The following HKDC1 variants were observed in gnomAD, a reference collection of about 807,000 sequenced individuals.
The protein encoded by HKDC1 is hexokinase HKDC1.
HKDC1 carries 66 observed loss-of-function variants against 96.6 expected under a neutral mutation model. That is an observed-to-expected ratio of 0.68 (90% CI 0.56 to 0.84). HKDC1 has a LOEUF of 0.84. HKDC1 is among the 40% of genes least tolerant of loss of function. The pLI, the probability that HKDC1 is intolerant of heterozygous loss-of-function variation, is 0.00. For synonymous variants in HKDC1, 466 were observed against 473.1 expected (o/e 0.98, Z 0.20); for missense variants, 1,211 against 1,208.1 (o/e 1.00, Z -0.04).
rs1346811930 is a variant in HKDC1 at position 69,250,259 on chromosome 10, T to C, written c.1571-31T>C. The C allele has an allele frequency of 1.9e-6, 3 of 1,600,216 alleles. No individual in the cohort carries two copies. The South Asian group carries it at 3.4e-5, about 18-fold the overall frequency. ...AATGCCCCGACACAAGTCCCTGTCA[T>C]GGAATGCAGCTGCTGCTTTCTCCAT... On this transcript the variant is annotated intron_variant, in intron 10 of 17. Transcript: ENST00000354624.
chr10:69,246,016 T>C, intron 7 of HKDC1, 63 bp from the exon 8 acceptor site: 1 of 1,590,188 alleles, frequency 6.3e-7, no homozygotes, highest in Non-Finnish European at 8.6e-7. Context: ...GCTCCTGGTC[T>C]TCGGGAAATG....
chr10:69,222,146 C>T (rs572027559), intron 1 of HKDC1, among the ~76,000 whole-genome samples: 3 of 151,998 alleles, frequency 2.0e-5, no homozygotes, highest in East Asian at 1.9e-4. Flanking sequence ...CCCTTGAACC[C>T]GGGCAGCAGA....
intron 1 of HKDC1, among the ~76,000 whole-genome samples, chr10:69,224,315 G>T (rs996284526): frequency 1.3e-5 from 2 of 151,770 alleles, no homozygotes. Context: ...ATGGAATCTC[G>T]CTCTGTCACC....
chr10:69,232,969 G>A (rs754615244), intron 3 of HKDC1, 45 bp from the exon 4 acceptor site: 10 of 1,612,526 alleles, frequency 6.2e-6, no homozygotes, highest in Non-Finnish European at 6.8e-6. Flanking sequence ...CGTGTGTGGG[G>A]AAACCACACC....
chr10:69,257,215 T>A, intron 13 of HKDC1, 84 bp downstream of exon 13: 1 of 1,459,824 alleles, frequency 6.9e-7, no homozygotes, highest in Non-Finnish European at 9.6e-7. Context: ...CCAGTTCCTA[T>A]GACTCTGGCC....
rs1026789383 is a variant in HKDC1, at chr10:69,233,083, C to T, written c.445C>T (p.Pro149Ser). 1 of 1,614,138 alleles carries T rather than the reference C, an allele frequency of 6.2e-7. No homozygotes were observed. The highest frequency in any genetic ancestry group is 8.5e-7 in the Non-Finnish European group (1 of 1,180,036). Residue 149 changes from proline (P) to serine (S), a missense_variant, in exon 4 of 18, where the codon CCC (proline) becomes TCC (serine). Physicochemically the swap from Pro to Ser is moderately conservative, Grantham distance 74 (BLOSUM62 -1). Transcript: ENST00000354624. ...KTKDLKHKKL[P>S]LGLTFSFPCR... Reference sequence around the variant, plus strand: ...CAAAGATTTAAAGCATAAGAAATTGCCCCTTGGCCTAACTTTTTCTTTCCC... The same window carrying T: ...CAAAGATTTAAAGCATAAGAAATTGTCCCTTGGCCTAACTTTTTCTTTCCC...
chr10:69,238,368 C>CTTTTTTTTTTTTTTTTTTTTTTTTTT (rs55819248), intron 4 of HKDC1, among the ~76,000 whole-genome samples: 1 of 61,382 alleles, frequency 1.6e-5, no homozygotes, highest in Non-Finnish European at 3.0e-5. Context: ...CAGGTATTTT[C>CTTTTTTTTTTTTTTTTTTTTTTTTTT]TTTTTTTTTT....
chr10:69,264,375 ATCT>A (rs768585185), intron 16 of HKDC1, among the ~76,000 whole-genome samples: 24 of 148,260 alleles, frequency 1.6e-4, no homozygotes, highest in Admixed American at 7.4e-4. Flanking sequence ...ACGCAAACTC[ATCT>A]TTTTTTTTTT....
chr10:69,223,578 A>ATT (rs60016100), intron 1 of HKDC1, among the ~76,000 whole-genome samples: 3,497 of 85,604 alleles, frequency 0.041, 136 homozygotes, highest in African/African-American at 0.077. Flanking sequence ...CCACAATCTA[A>ATT]TTTTTTTTTT....
At chr10:69,227,513 G>A (rs1241529437) in intron 2 of HKDC1, 144 bp downstream of exon 2, 3 of 870,982 alleles carry the variant, frequency 3.4e-6, no homozygotes, top group Non-Finnish European at 3.4e-6. Context: ...CTCTGCTTCA[G>A]TCCTGCTGAA....
intron 12 of HKDC1, among the ~76,000 whole-genome samples, chr10:69,253,686 G>A (rs929077758): frequency 6.6e-6 from 1 of 152,256 alleles, no homozygotes; most frequent in Non-Finnish European, 1.5e-5. Flanking sequence ...CTTCACTTTC[G>A]AGGCAGCATA....
intron 5 of HKDC1, among the ~76,000 whole-genome samples, chr10:69,239,963 G>A (rs1843429603): frequency 6.6e-6 from 1 of 152,038 alleles, no homozygotes; most frequent in African/African-American, 2.4e-5. Flanking sequence ...GGGGATGTTG[G>A]TGCAATAACC....
intron 4 of HKDC1, among the ~76,000 whole-genome samples, chr10:69,234,989 G>C (rs554092026): frequency 6.6e-6 from 1 of 152,192 alleles, no homozygotes; most frequent in African/African-American, 2.4e-5. Context: ...GGGGCCTGGC[G>C]TGGTGGCTTT....
intron 12 of HKDC1, among the ~76,000 whole-genome samples, chr10:69,255,689 G>T (rs1303600862): frequency 6.6e-6 from 1 of 152,094 alleles, no homozygotes; most frequent in African/African-American, 2.4e-5. Context: ...GGCCGAGGAG[G>T]GTGGATCACT....
chr10:69,234,300 T>G (rs1843327170), intron 4 of HKDC1, among the ~76,000 whole-genome samples: 1 of 152,242 alleles, frequency 6.6e-6, no homozygotes. Context: ...TGAAAGGGAA[T>G]GAGCTTTCAT....
Position 69,266,907 on chromosome 10 carries a change from T to C in HKDC1, c.*150T>C. On this transcript the variant is annotated 3_prime_UTR_variant, in exon 18 of 18. Coordinates refer to ENST00000354624, the MANE Select transcript of HKDC1 (RefSeq NM_025130.4). Reference sequence around the variant, plus strand: ...ACCCCAGGTTCTCGGGTACTCTTAGTATCTTGTACTGGATTTGCAGTGACA... The same window carrying C: ...ACCCCAGGTTCTCGGGTACTCTTAGCATCTTGTACTGGATTTGCAGTGACA... The C allele has an allele frequency of 2.9e-6, 2 of 679,088 alleles. No homozygotes were observed. Among genetic ancestry groups the C allele is most frequent in the Non-Finnish European group, 4.9e-6 (2 of 410,030 alleles). The allele number at this position is 679,088 out of a possible 1,614,324, so 42.1% of individuals were successfully genotyped here.
chr10:69,266,213 G>C (rs893957357), intron 17 of HKDC1, among the ~76,000 whole-genome samples: 1 of 152,206 alleles, frequency 6.6e-6, no homozygotes, highest in Non-Finnish European at 1.5e-5. Flanking sequence ...CAGACGGGAG[G>C]ATCACTTGAG....
At chr10:69,222,028 C>G (rs1049107658) in intron 1 of HKDC1, among the ~76,000 whole-genome samples, 1 of 152,128 alleles carries the variant, frequency 6.6e-6, no homozygotes, top group South Asian at 2.1e-4. Context: ...TTGAGACCAC[C>G]CTGGCCAACA....
At chr10:69,222,200 C>A (rs1178899938) in intron 1 of HKDC1, among the ~76,000 whole-genome samples, 1 of 152,168 alleles carries the variant, frequency 6.6e-6, no homozygotes, top group East Asian at 1.9e-4. Flanking sequence ...CCAGCCTGGG[C>A]AACAGAATGA....
Sources: gnomAD v4.1 joint callset for allele counts (sites outside exome capture counted in the v4.1 genomes callset) on GRCh38, gnomAD v4.1.1 for gene constraint, MANE v1.5 for transcripts, NCBI Gene and HGNC (gene_info 2026-07-23, HGNC 2026-07-21) for gene names.